The following NME7 variants were observed in gnomAD, a reference collection of about 807,000 sequenced individuals.
NME7 encodes nucleoside diphosphate kinase 7.
In NME7, 41 loss-of-function variants were observed where a neutral mutation model predicts 49.1. The ratio of observed to expected loss-of-function variants is 0.83; its 90% CI spans 0.65 to 1.08. The LOEUF (loss-of-function observed/expected upper bound fraction) is 1.08, where lower values mean the gene tolerates loss of function less well. Among genes scored for constraint, NME7 ranks in the 50% least tolerant of loss-of-function variants. The pLI is 0.00. For missense variants in NME7, 423 were observed against 463.4 expected, an observed-to-expected ratio of 0.91 and a Z score of 0.80; for synonymous variants, 139 against 150.6, an observed-to-expected ratio of 0.92 and a Z score of 0.56.
At chr1:169,176,504 ATTT>A (rs1396741282) in intron 10 of NME7, among the ~76,000 whole-genome samples, 1 of 152,124 alleles carries the variant, frequency 6.6e-6, no homozygotes, top group Non-Finnish European at 1.5e-5. Flanking sequence ...TGTAATGTAA[ATTT>A]ATAGAACCTG....
At chr1:169,189,017 T>C (rs1660147526) in intron 10 of NME7, among the ~76,000 whole-genome samples, 1 of 152,218 alleles carries the variant, frequency 6.6e-6, no homozygotes, top group African/African-American at 2.4e-5. Context: ...TGAGTAATAA[T>C]GTGGCTACCC....
chr1:169,256,413 A>C lies in NME7; in HGVS notation c.755-18726T>G, dbSNP rs866841244. Among the ~76,000 whole-genome samples, 9 of 133,752 alleles carry C rather than the reference A, an allele frequency of 6.7e-5. 2 individuals carry two copies. The highest frequency in any genetic ancestry group is 2.3e-4 in the African/African-American group (9 of 39,534). 87.7% of individuals were successfully genotyped at this position (133,752 alleles called of 152,430 possible). ...TTCTCGAGCCTTGGTTTTCAGCTCC[A>C]TCAGCTCCTTTAAGCACTTCTCTGT... On this transcript the variant is annotated intron_variant, in intron 7 of 11. Transcript: ENST00000367811.
At chr1:169,335,111 G>T (rs1652408480) in intron 1 of NME7, among the ~76,000 whole-genome samples, 1 of 152,164 alleles carries the variant, frequency 6.6e-6, no homozygotes, top group African/African-American at 2.4e-5. Context: ...TTGTTGGTGG[G>T]AATGTAAATT....
intron 11 of NME7, among the ~76,000 whole-genome samples, chr1:169,157,847 C>T (rs1420105101): frequency 6.6e-6 from 1 of 152,196 alleles, no homozygotes; most frequent in Admixed American, 6.5e-5. Context: ...TCGAAGAAGT[C>T]TGGTGTATGT....
chr1:169,290,137 C>T (rs549722443), intron 6 of NME7, among the ~76,000 whole-genome samples: 19 of 152,066 alleles, frequency 1.2e-4, no homozygotes, highest in South Asian at 1.0e-3. Context: ...TAAATTTTCA[C>T]GCTGATAGGA....
intron 10 of NME7, among the ~76,000 whole-genome samples, chr1:169,207,984 T>C (rs1660718255): frequency 6.6e-6 from 1 of 152,134 alleles, no homozygotes; most frequent in Admixed American, 6.6e-5. Flanking sequence ...AATTTCTCCT[T>C]ATCCTGGTTG....
At chr1:169,142,531 T>A (rs1571239139) in intron 11 of NME7, among the ~76,000 whole-genome samples, 1 of 152,322 alleles carries the variant, frequency 6.6e-6, no homozygotes, top group East Asian at 1.9e-4. Flanking sequence ...TGCAATTTGA[T>A]AATTATAATA....
At position 169,191,543 on chromosome 1, in the gene NME7, G is replaced by A. The variant is rs75460801; in HGVS notation, c.991-21989C>T. ...GTTAGAAAAAGTTTGTATTATTTAC[G>A]TGACTAGAAATGTGTTATAAAGACT... On this transcript the variant is annotated intron_variant, in intron 10 of 11. Coordinates refer to ENST00000367811, the MANE Select transcript of NME7 (RefSeq NM_013330.5). Among the ~76,000 whole-genome samples the A allele has an allele frequency of 4.0e-4, 61 of 152,278 alleles. 1 individual carries two copies. In the East Asian group the frequency reaches 9.3e-3, roughly 23 times the overall value.
chr1:169,160,705 A>T (rs1315411467), intron 11 of NME7, among the ~76,000 whole-genome samples: 1 of 152,234 alleles, frequency 6.6e-6, no homozygotes, highest in Non-Finnish European at 1.5e-5. Flanking sequence ...AGGTTTTACC[A>T]TTAAACTTAT....
rs945102301 is a variant in NME7, at chr1:169,332,345, A to G, written c.4-7845T>C. ...AAAAATGGATTAAAGTCTTAAATCT[A>G]AGACCTCAAACTATGAAACTACTAC... is the stretch of plus-strand genomic sequence containing the variant. On this transcript the variant is annotated intron_variant, in intron 1 of 11. Coordinates refer to ENST00000367811, the MANE Select transcript of NME7 (RefSeq NM_013330.5). 4.6e-5 allele frequency among the ~76,000 whole-genome samples: 7 copies of G among 152,338 alleles called. No homozygotes were observed. The East Asian group carries it at 1.3e-3, about 29-fold the overall frequency.
chr1:169,351,153 T>G (rs1051118617), intron 1 of NME7, among the ~76,000 whole-genome samples: 2 of 152,058 alleles, frequency 1.3e-5, no homozygotes, highest in African/African-American at 4.8e-5. Flanking sequence ...ATATGTGAAA[T>G]GTACTGATAT....
At chr1:169,156,389 A>G (rs1659074635) in intron 11 of NME7, among the ~76,000 whole-genome samples, 1 of 152,160 alleles carries the variant, frequency 6.6e-6, no homozygotes, top group Admixed American at 6.5e-5. Flanking sequence ...GAATAGGTAG[A>G]GAAGATGCAA....
chr1:169,157,704 G>C (rs1020243088), intron 11 of NME7, among the ~76,000 whole-genome samples: 7 of 152,120 alleles, frequency 4.6e-5, no homozygotes, highest in Admixed American at 1.3e-4. Flanking sequence ...ATCTAGAGAG[G>C]CTATTGATCC....
intron 10 of NME7, among the ~76,000 whole-genome samples, chr1:169,186,392 T>C (rs989628561): frequency 2.0e-5 from 3 of 152,156 alleles, no homozygotes; most frequent in Non-Finnish European, 2.9e-5. Context: ...GGTTTGACTA[T>C]GTACAATATA....
intron 11 of NME7, among the ~76,000 whole-genome samples, chr1:169,150,611 T>C (rs1658884410): frequency 6.6e-6 from 1 of 152,150 alleles, no homozygotes; most frequent in Non-Finnish European, 1.5e-5. Flanking sequence ...TTTGGTTGTC[T>C]AGAAAAAACA....
chr1:169,312,478 C>A (rs1338063853), intron 3 of NME7, among the ~76,000 whole-genome samples: 1 of 152,100 alleles, frequency 6.6e-6, no homozygotes, highest in African/African-American at 2.4e-5. Flanking sequence ...TAAGATGCAG[C>A]GTGAGATATT....
chr1:169,212,574 C>T (rs1660857117), intron 10 of NME7, among the ~76,000 whole-genome samples: 1 of 150,436 alleles, frequency 6.6e-6, no homozygotes, highest in Non-Finnish European at 1.5e-5. Flanking sequence ...TTAACTCTCA[C>T]ACTTCACACT....
At chr1:169,324,338 TG>T in intron 2 of NME7, 54 bp downstream of exon 2, 1 of 1,080,720 alleles carries the variant, frequency 9.3e-7, no homozygotes, top group Non-Finnish European at 1.4e-6. Flanking sequence ...TAAAAGGCAA[TG>T]GTTCCCATGT....
chr1:169,135,063 G>A (rs140139470), intron 11 of NME7, among the ~76,000 whole-genome samples: 12 of 144,408 alleles, frequency 8.3e-5, no homozygotes, highest in Middle Eastern at 3.7e-3. Context: ...GGTGGTACAC[G>A]CCTGTGATCT....
Sources: allele counts gnomAD v4.1 joint callset (sites outside exome capture counted in the v4.1 genomes callset), GRCh38; gene constraint gnomAD v4.1.1; transcripts MANE v1.5; gene names NCBI Gene and HGNC (gene_info 2026-07-23, HGNC 2026-07-21).